Variants in CTNNA3 observed in about 807,000 individuals in gnomAD.
The protein encoded by CTNNA3 is catenin alpha-3.
A neutral mutation model predicts 95.7 loss-of-function variants in CTNNA3; 76 were observed. The ratio of observed to expected loss-of-function variants is 0.79; its 90% confidence interval spans 0.66 to 0.96. The LOEUF is 0.96. Among genes scored for constraint, CTNNA3 ranks in the 40% least tolerant of loss-of-function variants. The probability of loss-of-function intolerance (pLI) is 0.00; values close to 1 mark genes in which losing one functional copy is unlikely to be tolerated. For missense variants in CTNNA3, 1,191 were observed against 1,089.8 expected (o/e 1.09, Z -1.31); for synonymous variants, 431 against 374.4 (o/e 1.15, Z -1.74).
chr10:66,828,838 A>G (rs1461078429), intron 7 of CTNNA3, among the ~76,000 whole-genome samples: 1 of 152,202 alleles, frequency 6.6e-6, no homozygotes, highest in Admixed American at 6.5e-5. Context: ...CCAGAGTTAC[A>G]GGGTCAGCCC....
At chr10:66,341,982 C>CAT (rs1221167467) in intron 12 of CTNNA3, among the ~76,000 whole-genome samples, 2 of 151,308 alleles carry the variant, frequency 1.3e-5, no homozygotes, top group African/African-American at 4.8e-5. Context: ...TATATATTCA[C>CAT]ATATATATAA....
At chr10:67,099,440 C>T (rs1313613563) in intron 7 of CTNNA3, 1 of 151,490 alleles carries the variant, frequency 6.6e-6, no homozygotes, top group Non-Finnish European at 1.5e-5. Flanking sequence ...ATCAATCTAA[C>T]AGGGGCCAAT....
chr10:67,183,349 C>G (rs1371965013), intron 6 of CTNNA3, among the ~76,000 whole-genome samples: 2 of 152,148 alleles, frequency 1.3e-5, no homozygotes, highest in African/African-American at 4.8e-5. Context: ...CCATGGAATA[C>G]TATGCAGCCA....
At chr10:67,505,945 T>C (rs977749497) in intron 5 of CTNNA3, among the ~76,000 whole-genome samples, 10 of 152,166 alleles carry the variant, frequency 6.6e-5, no homozygotes, top group African/African-American at 2.4e-4. Context: ...AGGTTTGTAA[T>C]AATACAGTTA....
At chr10:66,573,655 A>G (rs553170154) in intron 10 of CTNNA3, among the ~76,000 whole-genome samples, 1 of 152,312 alleles carries the variant, frequency 6.6e-6, no homozygotes, top group South Asian at 2.1e-4. Context: ...ATGAGCAGAA[A>G]TAAAAATGCC....
intron 9 of CTNNA3, among the ~76,000 whole-genome samples, chr10:66,716,256 A>G (rs1848446618): frequency 6.6e-6 from 1 of 152,184 alleles, no homozygotes. Context: ...GAACAGATAC[A>G]AGAAAATGGA....
intron 7 of CTNNA3, among the ~76,000 whole-genome samples, chr10:67,124,013 C>T (rs1047885431): frequency 3.3e-5 from 5 of 152,128 alleles, no homozygotes; most frequent in Admixed American, 2.6e-4. Flanking sequence ...ACTAGCCTCA[C>T]CTGAAAATTA....
chr10:66,749,855 T>C (rs1484556831), intron 9 of CTNNA3, among the ~76,000 whole-genome samples: 1 of 152,240 alleles, frequency 6.6e-6, no homozygotes, highest in Non-Finnish European at 1.5e-5. Context: ...CAATGCTTCT[T>C]GCTCGGCATC....
intron 16 of CTNNA3, among the ~76,000 whole-genome samples, chr10:65,987,028 T>C (rs1020864083): frequency 3.3e-5 from 5 of 151,928 alleles, no homozygotes; most frequent in African/African-American, 1.2e-4. Flanking sequence ...ACTAGGCCCC[T>C]ACCTTTCACC....
intron 6 of CTNNA3, among the ~76,000 whole-genome samples, chr10:67,199,935 T>C (rs1193123402): frequency 6.6e-6 from 1 of 152,180 alleles, no homozygotes; most frequent in Non-Finnish European, 1.5e-5. Context: ...ACTTTTCTTA[T>C]CAGGATATTA....
At chr10:66,965,669 T>C (rs2132797971) in intron 7 of CTNNA3, among the ~76,000 whole-genome samples, 1 of 151,922 alleles carries the variant, frequency 6.6e-6, no homozygotes, top group African/African-American at 2.4e-5. Context: ...CGGTTACTGA[T>C]TGTCCCAAAG....
chr10:66,967,029 C>T (rs574964641), intron 7 of CTNNA3, among the ~76,000 whole-genome samples: 68 of 151,786 alleles, frequency 4.5e-4, no homozygotes, highest in African/African-American at 1.6e-3. Context: ...GTTCATAGCG[C>T]AAAAAGAAAT....
intron 10 of CTNNA3, among the ~76,000 whole-genome samples, chr10:66,607,289 T>G (rs993147786): frequency 6.6e-6 from 1 of 151,812 alleles, no homozygotes. Flanking sequence ...CAGTAATAAA[T>G]AGCCCACCAA....
intron 5 of CTNNA3, among the ~76,000 whole-genome samples, chr10:67,489,805 T>C (rs867876722): frequency 3.8e-4 from 56 of 148,876 alleles, no homozygotes; most frequent in African/African-American, 8.5e-4. Context: ...TATATATATA[T>C]ACACACATTA....
chr10:66,081,440 C>T (rs911040736), intron 14 of CTNNA3, among the ~76,000 whole-genome samples: 1 of 151,576 alleles, frequency 6.6e-6, no homozygotes. Context: ...AGCAAGACCC[C>T]ATCTGTAATA....
chr10:66,642,549 G>A (rs1845556885), intron 9 of CTNNA3, among the ~76,000 whole-genome samples: 1 of 152,030 alleles, frequency 6.6e-6, no homozygotes, highest in Non-Finnish European at 1.5e-5. Flanking sequence ...TACTATAACT[G>A]CTATACAAGC....
intron 9 of CTNNA3, among the ~76,000 whole-genome samples, chr10:66,626,176 TAGAAA>T (rs1223649683): frequency 6.6e-6 from 1 of 152,162 alleles, no homozygotes; most frequent in East Asian, 1.9e-4. Flanking sequence ...TCAGTCATCT[TAGAAA>T]ACTGAAATGA....
intron 7 of CTNNA3, among the ~76,000 whole-genome samples, chr10:67,061,569 T>C (rs1489330945): frequency 6.6e-6 from 1 of 152,130 alleles, no homozygotes; most frequent in Non-Finnish European, 1.5e-5. Flanking sequence ...AAAATGAATA[T>C]AAGGGCCAAT....
intron 9 of CTNNA3, among the ~76,000 whole-genome samples, chr10:66,631,885 A>G (rs1845147539): frequency 6.6e-6 from 1 of 152,096 alleles, no homozygotes; most frequent in African/African-American, 2.4e-5. Context: ...ATTCGGTAAC[A>G]CTTCTTCATG....
Sources: allele counts gnomAD v4.1 joint callset (sites outside exome capture counted in the v4.1 genomes callset), GRCh38; gene constraint gnomAD v4.1.1; transcripts MANE v1.5; gene names NCBI Gene and HGNC (gene_info 2026-07-23, HGNC 2026-07-21).